The following MGAM2 variants were observed in gnomAD, a reference collection of about 807,000 sequenced individuals.
The protein encoded by MGAM2 is probable maltase-glucoamylase 2.
Under a neutral mutation model 96.1 loss-of-function variants are expected in MGAM2, and 98 were observed. That is an observed-to-expected ratio of 1.02 (90% CI 0.87 to 1.21). The LOEUF (loss-of-function observed/expected upper bound fraction) is 1.21. Among genes scored for constraint, MGAM2 ranks in the 50% most tolerant of loss-of-function variants. The probability of loss-of-function intolerance (pLI) is 0.00; values close to 1 mark genes in which losing one functional copy is unlikely to be tolerated. For synonymous variants in MGAM2, 749 were observed against 414.8 expected, an observed-to-expected ratio of 1.81 and a Z score of -9.79; for missense variants, 2,055 against 1,182.4, an observed-to-expected ratio of 1.74 and a Z score of -10.82.
intron 26 of MGAM2, among the ~76,000 whole-genome samples, chr7:142,168,726 G>A (rs1796103416): frequency 6.6e-6 from 1 of 152,040 alleles, no homozygotes; most frequent in Admixed American, 6.5e-5. Context: ...ATTTTTAAAT[G>A]TATATTTTAA....
At chr7:142,178,520 T>A (rs1796443938) in intron 32 of MGAM2, among the ~76,000 whole-genome samples, 1 of 152,222 alleles carries the variant, frequency 6.6e-6, no homozygotes, top group Non-Finnish European at 1.5e-5. Context: ...TATCTTGAGT[T>A]AATTTTTGTA....
rs1395746377 is a variant in MGAM2, at chr7:142,187,793, G to T, written c.4166G>T (p.Gly1389Val). ...PSNFVDGSVR[G>V]CSNEMLNNPP... ...AATTTTGTGGATGGATCTGTCAGGG[G>T]CTGCAGCAATGAAATGCTAAATAAC... Residue 1389 changes from glycine (G) to valine (V), a missense_variant, in exon 36 of 48, where the codon GGC (glycine) becomes GTC (valine). Transcript: ENST00000477922. 4.3e-6 allele frequency: 3 copies of T among 702,772 alleles called. No homozygotes were observed. Among genetic ancestry groups the T allele is most frequent in the Non-Finnish European group, 7.8e-6 (3 of 384,858 alleles). The allele number at this position is 702,772 out of a possible 1,614,324, so 43.5% of individuals were successfully genotyped here. A position where few individuals can be genotyped will look rare whatever the true frequency, so the allele number is the denominator to read the frequency against.
intron 1 of MGAM2, among the ~76,000 whole-genome samples, chr7:142,114,531 G>A (rs983305284): frequency 1.3e-5 from 2 of 152,182 alleles, no homozygotes; most frequent in Admixed American, 6.5e-5. Context: ...GCTACCTGCA[G>A]AAGCACACAG....
chr7:142,126,792 C>A (rs887692468), intron 3 of MGAM2, among the ~76,000 whole-genome samples: 2 of 151,958 alleles, frequency 1.3e-5, no homozygotes, highest in Non-Finnish European at 2.9e-5. Context: ...TCCAAAGAAA[C>A]CCTTAGATTG....
In MGAM2 at chr7:142,114,208, A is replaced by AAGAAAGAG. The variant is rs1481239986; in HGVS notation, c.-1+2409_-1+2416dup. On this transcript the variant is annotated intron_variant, in intron 1 of 47. Coordinates refer to ENST00000477922, the MANE Select transcript of MGAM2 (RefSeq NM_001293626.2). The stretch of plus-strand genomic sequence containing the variant: ...AAAGAAAGAAAGAAAGAAAGAAAGA[A>AAGAAAGAG]AGAAAGAGAGAAAGAAAGAAAGAAA... Among the ~76,000 whole-genome samples, 22 of 133,572 alleles carry AAGAAAGAG rather than the reference A, an allele frequency of 1.6e-4. 1 individual carries two copies. Among genetic ancestry groups the AAGAAAGAG allele is most frequent in the East Asian group, 1.4e-3 (7 of 4,836 alleles). 87.6% of individuals were successfully genotyped at this position (133,572 alleles called of 152,430 possible). A position where few individuals can be genotyped will look rare whatever the true frequency, so the allele number is the denominator to read the frequency against.
At chr7:142,169,930 C>T in intron 26 of MGAM2, 145 bp from the exon 27 acceptor site, 1 of 540,314 alleles carries the variant, frequency 1.9e-6, no homozygotes, top group Non-Finnish European at 3.3e-6. Flanking sequence ...GCAGGCAGGC[C>T]TCACATCCAT....
chr7:142,149,642 G>A (rs918097048), intron 15 of MGAM2, among the ~76,000 whole-genome samples: 7 of 151,764 alleles, frequency 4.6e-5, no homozygotes, highest in East Asian at 2.0e-4. Context: ...CTGGGTTCAC[G>A]CCATTCTCCT....
rs980930525 is a variant in MGAM2 at position 142,131,989 on chromosome 7, A to G, written c.479A>G (p.Asp160Gly). 1.3e-5 allele frequency: 9 copies of G among 702,892 alleles called. No individual in the cohort carries two copies. The African/African-American group carries it at 1.4e-4, about 11-fold the overall frequency. The allele number at this position is 702,892 out of a possible 1,614,324, so 43.5% of individuals were successfully genotyped here. A position where few individuals can be genotyped will look rare whatever the true frequency, so the allele number is the denominator to read the frequency against. ...EVSHENINLV[D>G]GIADASNLSY... ...TCCCATGAAAATATTAACCTGGTTGATGGGATTGCTGATGCCTCCAATTTG... is the reference window on the plus strand; with the variant it reads ...TCCCATGAAAATATTAACCTGGTTGGTGGGATTGCTGATGCCTCCAATTTG... The change falls in exon 6 of 48, where the codon GAT becomes GGT. Residue 160 changes from aspartate to glycine, a missense_variant. Transcript: ENST00000477922.
At chr7:142,183,694 A>G (rs1796607729) in intron 33 of MGAM2, among the ~76,000 whole-genome samples, 2 of 152,184 alleles carry the variant, frequency 1.3e-5, no homozygotes, top group South Asian at 4.1e-4. Context: ...CCTGCATGCA[A>G]AACATGCGTT....
At chr7:142,151,803 C>G (rs1396374771) in intron 15 of MGAM2, among the ~76,000 whole-genome samples, 1 of 152,208 alleles carries the variant, frequency 6.6e-6, no homozygotes, top group Non-Finnish European at 1.5e-5. Context: ...TCTAATTTCT[C>G]TGGCCAGGCA....
At chr7:142,165,110 G>C in intron 24 of MGAM2, 87 bp downstream of exon 24, 1 of 572,560 alleles carries the variant, frequency 1.7e-6, no homozygotes, top group Non-Finnish European at 3.1e-6. Flanking sequence ...ACTGTGGGCA[G>C]TCAGACACAA....
At chr7:142,125,027 C>T (rs77839849) in intron 3 of MGAM2, among the ~76,000 whole-genome samples, 16,886 of 151,930 alleles carry the variant, frequency 0.11, 1,032 homozygotes, top group South Asian at 0.19. Context: ...TCTTCCATGT[C>T]TTTTAACTCA....
In MGAM2 at chr7:142,198,674, C is replaced by G. The variant is rs2129100819; in HGVS notation, c.4983C>G (p.Ile1661Met). ...RKILKAPLDH[I>M]NLHVRGGYIL... is the part of the protein sequence containing the mutation. ...TCCTGAAGGCTCCCCTTGACCACAT[C>G]AACCTTCATGTCAGAGGAGGCTACA... Residue 1661 changes from isoleucine (I) to methionine (M), a missense_variant, in exon 44 of 48, where the codon ATC (isoleucine) becomes ATG (methionine). Transcript: ENST00000477922. The G allele has an allele frequency of 1.4e-6, 1 of 703,852 alleles. No individual in the cohort carries two copies. Among genetic ancestry groups the G allele is most frequent in the Non-Finnish European group, 2.6e-6 (1 of 385,000 alleles). The allele number at this position is 703,852 out of a possible 1,614,324, so 43.6% of individuals were successfully genotyped here.
rs753970545 is a variant in MGAM2, at chr7:142,196,599, T to C, written c.4515T>C (p.Tyr1505=). The C allele has an allele frequency of 3.2e-5, 23 of 724,592 alleles. No homozygotes were observed. The highest frequency in any genetic ancestry group is 5.8e-5 in the Admixed American group (3 of 51,402). The allele number at this position is 724,592 out of a possible 1,614,324, so 44.9% of individuals were successfully genotyped here. A position where few individuals can be genotyped will look rare whatever the true frequency, so the allele number is the denominator to read the frequency against. The change falls in exon 39 of 48, where the codon TAT becomes TAC. Residue 1505 remains tyrosine, a splice_region_variant and synonymous_variant. Coordinates refer to ENST00000477922, the MANE Select transcript of MGAM2 (RefSeq NM_001293626.2). ...AGTTCAGTCTCTTTGGAATACCTTATGTAAGTCACATTCAGACCATTACTA... is the reference window on the plus strand; with the variant it reads ...AGTTCAGTCTCTTTGGAATACCTTACGTAAGTCACATTCAGACCATTACTA... ...MMEFSLFGIP[Y]TGADICGFFG...
chr7:142,153,895 G>T, intron 15 of MGAM2, 123 bp from the exon 16 acceptor site: 1 of 473,884 alleles, frequency 2.1e-6, no homozygotes, highest in Non-Finnish European at 3.8e-6. Flanking sequence ...ATGACACCTG[G>T]TTTATGACAC....
chr7:142,182,496 A>G lies in MGAM2; in HGVS notation c.3817-770A>G, dbSNP rs114146514. ...AGAGCAAGATGGAGAGCCTTTGCAGATGGGTCCTCATGGTCGTGTTTTGCT... is the reference window on the plus strand; with the variant it reads ...AGAGCAAGATGGAGAGCCTTTGCAGGTGGGTCCTCATGGTCGTGTTTTGCT... On this transcript the variant is annotated intron_variant, in intron 32 of 47. Coordinates refer to ENST00000477922, the MANE Select transcript of MGAM2 (RefSeq NM_001293626.2). 2.6e-3 allele frequency among the ~76,000 whole-genome samples: 391 copies of G among 152,282 alleles called. 3 individuals carry two copies. Among genetic ancestry groups the G allele is most frequent in the African/African-American group, 9.1e-3 (378 of 41,562 alleles).
rs1205462068 is a variant in MGAM2, at chr7:142,183,381, T to A, written c.3924+8T>A. The A allele has an allele frequency of 8.5e-6, 6 of 702,106 alleles. No homozygotes were observed. The East Asian group carries it at 1.6e-4, about 19-fold the overall frequency. 43.5% of individuals were successfully genotyped at this position (702,106 alleles called of 1,614,324 possible). On this transcript the variant is annotated splice_region_variant and intron_variant, in intron 33 of 47. Coordinates refer to ENST00000477922, the MANE Select transcript of MGAM2 (RefSeq NM_001293626.2). ...GACATTGTCTGGGGAAAGGTAAGGC[T>A]TGGGGAAGATGCTTACAGTTAATTA... is the stretch of plus-strand genomic sequence containing the variant.
chr7:142,221,359 A>G lies in MGAM2; in HGVS notation c.6848A>G (p.Asn2283Ser). ...AGTACTGATGCTACTACTACAAGTA[A>G]TAATACTAATCCTGGCATGACTACT... ...SPSTDATTTSNNTNPGMTTYY... is the reference protein window; with the variant it reads ...SPSTDATTTSSNTNPGMTTYY... The change falls in exon 48 of 48, where the codon AAT (asparagine) becomes AGT (serine). Residue 2283 changes from asparagine (N) to serine (S), a missense_variant. By Grantham distance (46) the Asn-to-Ser change is conservative. Transcript: ENST00000477922. 1 of 621,358 alleles carries G rather than the reference A, an allele frequency of 1.6e-6. No homozygotes were observed. The highest frequency in any genetic ancestry group is 2.9e-6 in the Non-Finnish European group (1 of 348,002). 38.5% of individuals were successfully genotyped at this position (621,358 alleles called of 1,614,324 possible).
intron 15 of MGAM2, among the ~76,000 whole-genome samples, chr7:142,153,481 T>G (rs1795646225): frequency 6.6e-6 from 1 of 152,184 alleles, no homozygotes; most frequent in East Asian, 1.9e-4. Flanking sequence ...CATTGAGAAT[T>G]GCTAAGAATA....
Sources: allele counts gnomAD v4.1 joint callset (sites outside exome capture counted in the v4.1 genomes callset), GRCh38; gene constraint gnomAD v4.1.1; transcripts MANE v1.5; gene names NCBI Gene and HGNC (gene_info 2026-07-23, HGNC 2026-07-21).